The following SPINK1 variants were observed in gnomAD, a reference collection of about 807,000 sequenced individuals.
The protein encoded by SPINK1 is serine protease inhibitor Kazal-type 1.
In SPINK1, 5 loss-of-function variants were observed where a neutral mutation model predicts 9.5. The ratio of observed to expected loss-of-function variants is 0.52; its 90% CI spans 0.27 to 1.10. The LOEUF (loss-of-function observed/expected upper bound fraction) is 1.10. Among genes scored for constraint, SPINK1 ranks in the 50% least tolerant of loss-of-function variants. The pLI, the probability that SPINK1 is intolerant of heterozygous loss-of-function variation, is 0.11. For missense variants in SPINK1, 88 were observed against 92.7 expected (o/e 0.95, Z 0.21); for synonymous variants, 37 against 32.3 (o/e 1.14, Z -0.49).
At chr5:147,834,326 G>A (rs772718970), upstream of SPINK1, among the ~76,000 whole-genome samples, 6 of 152,144 alleles carry the variant, frequency 3.9e-5, no homozygotes, top group Non-Finnish European at 5.9e-5. Context: ...GCCTCCGGTT[G>A]AGTAGCCATT....
upstream of SPINK1, among the ~76,000 whole-genome samples, chr5:147,833,687 A>T (rs1756548102): frequency 6.6e-6 from 1 of 152,152 alleles, no homozygotes; most frequent in Admixed American, 6.6e-5. Context: ...TCCTGCAAAG[A>T]GTTTCTCAAT....
chr5:147,826,167 C>T (rs907050068), intron 3 of SPINK1, among the ~76,000 whole-genome samples: 1 of 152,124 alleles, frequency 6.6e-6, no homozygotes, highest in African/African-American at 2.4e-5. Flanking sequence ...ATATATTTGC[C>T]AAGCACATAA....
upstream of SPINK1, among the ~76,000 whole-genome samples, chr5:147,835,491 G>A (rs1482147615): frequency 6.6e-6 from 1 of 152,076 alleles, no homozygotes; most frequent in African/African-American, 2.4e-5. Flanking sequence ...CATATTGAAT[G>A]TGTTTACATT....
chr5:147,824,714 A>G lies in SPINK1; in HGVS notation c.195-8T>C. On this transcript the variant is annotated splice_region_variant and splice_polypyrimidine_tract_variant and intron_variant, in intron 3 of 3. Transcript: ENST00000296695. ...ATAGAAGTCTGGCGTTTCCTGCAGT[A>G]GAGATTAAAAAAAATATATCAGCTT... 2 of 1,613,796 alleles carry G rather than the reference A, an allele frequency of 1.2e-6. No individual in the cohort carries two copies. The highest frequency in any genetic ancestry group is 1.7e-6 in the Non-Finnish European group (2 of 1,179,824).
upstream of SPINK1, among the ~76,000 whole-genome samples, chr5:147,832,128 GAT>G (rs1368274138): frequency 6.6e-6 from 1 of 152,132 alleles, no homozygotes; most frequent in Non-Finnish European, 1.5e-5. Flanking sequence ...TGGAGTGGCA[GAT>G]GAGAGGGAAA....
intron 3 of SPINK1, 37 bp from the exon 4 acceptor site, chr5:147,824,743 C>T (rs754805203): frequency 1.3e-6 from 2 of 1,599,928 alleles, no homozygotes; most frequent in Admixed American, 3.3e-5. Context: ...TCAGCTTAAA[C>T]TTCACTGATG....
Position 147,827,395 on chromosome 5 carries a change from T to C in SPINK1, c.194+627A>G, listed in dbSNP as rs1295914555. 3.3e-5 allele frequency: 5 copies of C among 152,616 alleles called. No individual in the cohort carries two copies. In the East Asian group the frequency reaches 9.6e-4, roughly 29 times the overall value. The allele number at this position is 152,616 out of a possible 1,614,324, so 9.5% of individuals were successfully genotyped here. On this transcript the variant is annotated intron_variant, in intron 3 of 3. Transcript: ENST00000296695. Reference sequence around the variant, plus strand: ...TTAATAAAAAATATGTATCTCTGCTTCACTCCTGTTGCACTTTATTTACAC... The same window carrying C: ...TTAATAAAAAATATGTATCTCTGCTCCACTCCTGTTGCACTTTATTTACAC...
chr5:147,832,754 G>A (rs1359449383), upstream of SPINK1, among the ~76,000 whole-genome samples: 1 of 152,128 alleles, frequency 6.6e-6, no homozygotes, highest in Non-Finnish European at 1.5e-5. Context: ...TGAGCCAGGA[G>A]TCTGTGCCTT....
intron 2 of SPINK1, among the ~76,000 whole-genome samples, 154 bp downstream of exon 2, chr5:147,829,445 C>T (rs1441035468): frequency 6.6e-6 from 1 of 152,204 alleles, no homozygotes; most frequent in Non-Finnish European, 1.5e-5. Flanking sequence ...TGGGTTGGAA[C>T]TACTACTACC....
intron 3 of SPINK1, among the ~76,000 whole-genome samples, chr5:147,825,829 G>GCACACA (rs965751387): frequency 4.2e-4 from 64 of 152,170 alleles, no homozygotes; most frequent in African/African-American, 1.3e-3. Context: ...GCATACATAA[G>GCACACA]CACACACACC....
chr5:147,834,180 T>G (rs936353115), upstream of SPINK1, among the ~76,000 whole-genome samples: 1 of 152,190 alleles, frequency 6.6e-6, no homozygotes, highest in Non-Finnish European at 1.5e-5. Flanking sequence ...GTTGCTTTAT[T>G]TATTGTAGCA....
the SPINK1 span, among the ~76,000 whole-genome samples, chr5:147,836,949 G>A: frequency 6.6e-6 from 1 of 152,094 alleles, no homozygotes; most frequent in Non-Finnish European, 1.5e-5. Flanking sequence ...AAATTCTGGT[G>A]CCAGCTGTAA....
At chr5:147,835,621 A>T (rs1035454867), upstream of SPINK1, among the ~76,000 whole-genome samples, 2 of 152,082 alleles carry the variant, frequency 1.3e-5, no homozygotes, top group African/African-American at 2.4e-5. Flanking sequence ...TGATTCAAGG[A>T]CTAATTATTC....
intron 3 of SPINK1, 117 bp downstream of exon 3, chr5:147,827,905 T>C: frequency 1.4e-6 from 1 of 719,532 alleles, no homozygotes; most frequent in East Asian, 2.7e-5. Context: ...AAGAGATAAC[T>C]GTTTTTGGAA....
chr5:147,837,534 A>C, the SPINK1 span, among the ~76,000 whole-genome samples: 1 of 152,134 alleles, frequency 6.6e-6, no homozygotes, highest in Non-Finnish European at 1.5e-5. Context: ...ATGGTGGCTC[A>C]TGTCAAATTT....
chr5:147,825,410 CT>C (rs1013673930), intron 3 of SPINK1, among the ~76,000 whole-genome samples: 3 of 150,018 alleles, frequency 2.0e-5, no homozygotes, highest in East Asian at 1.9e-4. Flanking sequence ...CTTCCATATA[CT>C]TTTTTTTCTT....
chr5:147,834,084 C>A (rs868591069), upstream of SPINK1, among the ~76,000 whole-genome samples: 10 of 152,210 alleles, frequency 6.6e-5, no homozygotes, highest in African/African-American at 2.4e-4. Flanking sequence ...CTTCATAAAA[C>A]CCTTCATTGC....
chr5:147,831,549 C>T lies in SPINK1; in HGVS notation c.29G>A (p.Ser10Asn), dbSNP rs543771454. Residue 10 changes from serine (S) to asparagine (N), a missense_variant, in exon 1 of 4, where the codon AGT (serine) becomes AAT (asparagine). Transcript: ENST00000296695. MKVTGIFLL[S>N]ALALLSLSGN... ...AGATAGACTCAACAGGGCCAAGGCA[C>T]TGAGAAGAAAGATGCCTGTTACCTT... 4.3e-6 allele frequency: 7 copies of T among 1,613,696 alleles called. No individual in the cohort carries two copies. The highest frequency in any genetic ancestry group is 4.0e-5 in the African/African-American group (3 of 75,034).
chr5:147,834,221 C>T (rs1756556958), upstream of SPINK1, among the ~76,000 whole-genome samples: 1 of 152,026 alleles, frequency 6.6e-6, no homozygotes, highest in Non-Finnish European at 1.5e-5. Flanking sequence ...ATAGTTGATA[C>T]TAAATAAATA....
Sources: allele counts gnomAD v4.1 joint callset (sites outside exome capture counted in the v4.1 genomes callset), GRCh38; gene constraint gnomAD v4.1.1; transcripts MANE v1.5; gene names NCBI Gene and HGNC (gene_info 2026-07-23, HGNC 2026-07-21).